Variants in POT1 observed in about 807,000 individuals in gnomAD.
POT1 encodes protection of telomeres 1.
A neutral mutation model predicts 78.5 loss-of-function variants in POT1; 47 were observed. That is an observed-to-expected ratio of 0.60 (90% CI 0.47 to 0.76). The LOEUF (loss-of-function observed/expected upper bound fraction) is 0.76, where lower values mean the gene tolerates loss of function less well. Ranked by LOEUF, POT1 falls within the 30% of genes least tolerant of loss-of-function variation. POT1 has a pLI of 0.00. For synonymous variants in POT1, 259 were observed against 260.7 expected (o/e 0.99, Z 0.06); for missense variants, 646 against 749.9 (o/e 0.86, Z 1.62).
chr7:124,860,766 C>T lies in POT1; in HGVS notation c.547-1654G>A, dbSNP rs140472408. ...ACGCTATCTCTCCCCCAGCCCCCTA[C>T]CCCACAACAGGCCCCATTGTGTGAT... On this transcript the variant is annotated intron_variant, in intron 8 of 18. Transcript: ENST00000357628. Among the ~76,000 whole-genome samples, 406 of 152,046 alleles carry T rather than the reference C, an allele frequency of 2.7e-3. 4 individuals are homozygous for T. Among genetic ancestry groups the T allele is most frequent in the African/African-American group, 9.1e-3 (379 of 41,470 alleles).
chr7:124,856,946 T>C (rs947157711), intron 9 of POT1, among the ~76,000 whole-genome samples: 1 of 152,212 alleles, frequency 6.6e-6, no homozygotes, highest in African/African-American at 2.4e-5. Context: ...TGCATACATA[T>C]ATACACACAG....
intron 15 of POT1, among the ~76,000 whole-genome samples, chr7:124,831,805 A>T (rs996355309): frequency 6.6e-6 from 1 of 152,034 alleles, no homozygotes; most frequent in African/African-American, 2.4e-5. Flanking sequence ...AGTACGAAAC[A>T]GTTTATATAA....
intron 8 of POT1, among the ~76,000 whole-genome samples, chr7:124,862,417 C>CT (rs1316484290): frequency 6.6e-6 from 1 of 152,160 alleles, no homozygotes; most frequent in Non-Finnish European, 1.5e-5. Flanking sequence ...TAGATTCGCT[C>CT]TAAGTTTGTT....
intron 2 of POT1, among the ~76,000 whole-genome samples, chr7:124,923,980 T>A (rs1797213297): frequency 6.6e-6 from 1 of 151,328 alleles, no homozygotes; most frequent in African/African-American, 2.4e-5. Flanking sequence ...ATATAAAAAA[T>A]TTCCCAGATA....
intron 3 of POT1, among the ~76,000 whole-genome samples, chr7:124,910,639 C>A (rs1219263353): frequency 6.6e-6 from 1 of 151,772 alleles, no homozygotes; most frequent in African/African-American, 2.4e-5. Flanking sequence ...ACCTTATTTG[C>A]TATTGAACTA....
chr7:124,884,080 C>T (rs971358113), intron 6 of POT1, among the ~76,000 whole-genome samples: 3 of 151,942 alleles, frequency 2.0e-5, no homozygotes, highest in Admixed American at 1.3e-4. Context: ...ATTTAATGTG[C>T]AACCAGTATT....
At position 124,839,755 on chromosome 7, in the gene POT1, C is replaced by T. The variant is rs187008571; in HGVS notation, c.1369+1218G>A. On this transcript the variant is annotated intron_variant, in intron 14 of 18. Transcript: ENST00000357628. ...ATTAAGCAAAAGGTACAAAGTTTCC[C>T]TATGTCCCCTAGCCTCTTCCCCATT... 1.1e-4 allele frequency among the ~76,000 whole-genome samples: 16 copies of T among 152,176 alleles called. No individual in the cohort carries two copies. The East Asian group carries it at 2.7e-3, about 26-fold the overall frequency.
At chr7:124,917,745 T>A (rs1256770464) in intron 2 of POT1, among the ~76,000 whole-genome samples, 1 of 152,154 alleles carries the variant, frequency 6.6e-6, no homozygotes, top group Non-Finnish European at 1.5e-5. Flanking sequence ...GTAGAGGGGA[T>A]AATCAGAAAA....
intron 6 of POT1, among the ~76,000 whole-genome samples, chr7:124,882,922 T>C (rs186079766): frequency 1.2e-3 from 182 of 152,090 alleles, no homozygotes; most frequent in African/African-American, 4.1e-3. Context: ...AGTGAAGTGA[T>C]AGGGAGAGGA....
At chr7:124,927,516 A>C (rs538993045) in intron 2 of POT1, among the ~76,000 whole-genome samples, 1 of 152,204 alleles carries the variant, frequency 6.6e-6, no homozygotes, top group African/African-American at 2.4e-5. Flanking sequence ...AATCTATACA[A>C]GTGTTATTGA....
intron 2 of POT1, among the ~76,000 whole-genome samples, chr7:124,920,870 T>C (rs1268076033): frequency 5.9e-5 from 9 of 152,194 alleles, no homozygotes; most frequent in East Asian, 1.9e-4. Context: ...GGTGGGAGGA[T>C]TGCTTGAGGC....
intron 8 of POT1, among the ~76,000 whole-genome samples, chr7:124,860,124 T>A (rs1236769193): frequency 6.6e-6 from 1 of 151,786 alleles, no homozygotes; most frequent in East Asian, 1.9e-4. Flanking sequence ...TTCTGATACA[T>A]AAGAAAATCA....
intron 6 of POT1, among the ~76,000 whole-genome samples, chr7:124,885,484 A>T (rs1277606712): frequency 2.7e-5 from 4 of 150,898 alleles, no homozygotes; most frequent in Non-Finnish European, 5.9e-5. Context: ...TTAAAAAAAT[A>T]GGCCGGGTGT....
rs547416010 is a variant in POT1 at position 124,849,493 on chromosome 7, T to G, written c.949+2379A>C. Reference sequence around the variant, plus strand: ...TACATATAGTGTTAACTTCCAATACTGTGAAGGTGTGAGTAAAGTATATTC... The same window carrying G: ...TACATATAGTGTTAACTTCCAATACGGTGAAGGTGTGAGTAAAGTATATTC... On this transcript the variant is annotated intron_variant, in intron 11 of 18. Transcript: ENST00000357628. Among the ~76,000 whole-genome samples the G allele has an allele frequency of 2.6e-5, 4 of 152,300 alleles. No homozygotes were observed. In the East Asian group the frequency reaches 7.7e-4, roughly 29 times the overall value.
chr7:124,826,639 A>C (rs1381536718), intron 17 of POT1, among the ~76,000 whole-genome samples: 2 of 152,130 alleles, frequency 1.3e-5, no homozygotes. Context: ...TGGGAGGCCA[A>C]GGGTGGGTGG....
intron 3 of POT1, among the ~76,000 whole-genome samples, chr7:124,903,952 C>G (rs1040372978): frequency 6.6e-6 from 1 of 152,118 alleles, no homozygotes; most frequent in South Asian, 2.1e-4. Flanking sequence ...CACACCCTCC[C>G]AAGACTAAAC....
At chr7:124,908,234 C>G (rs948996119) in intron 3 of POT1, among the ~76,000 whole-genome samples, 14 of 151,946 alleles carry the variant, frequency 9.2e-5, no homozygotes, top group African/African-American at 3.4e-4. Flanking sequence ...AAACCAAGGA[C>G]CTGACGGCGT....
chr7:124,929,583 G>C (rs1797357239), intron 1 of POT1: 1 of 152,160 alleles, frequency 6.6e-6, no homozygotes, highest in Admixed American at 6.5e-5. Context: ...CCTGAGCTCT[G>C]TGAGGGCGGG....
intron 8 of POT1, among the ~76,000 whole-genome samples, chr7:124,861,509 C>T (rs976727222): frequency 4.7e-5 from 7 of 149,686 alleles, no homozygotes; most frequent in Admixed American, 6.7e-5. Flanking sequence ...AGCCCTTTGT[C>T]AGATGGACAG....
Sources: allele counts gnomAD v4.1 joint callset (sites outside exome capture counted in the v4.1 genomes callset), GRCh38; gene constraint gnomAD v4.1.1; transcripts MANE v1.5; gene names NCBI Gene and HGNC (gene_info 2026-07-23, HGNC 2026-07-21).